Variants in ADGRL3 observed in about 807,000 individuals in gnomAD.
ADGRL3 encodes adhesion G protein-coupled receptor L3.
ADGRL3 carries 62 observed loss-of-function variants against 153.5 expected under a neutral mutation model. The ratio of observed to expected loss-of-function variants is 0.40; its 90% CI spans 0.33 to 0.50. The LOEUF (loss-of-function observed/expected upper bound fraction) is 0.50. ADGRL3 is among the 20% of genes least tolerant of loss of function. The pLI is 0.47. For synonymous variants in ADGRL3, 710 were observed against 672.5 expected, an observed-to-expected ratio of 1.06 and a Z score of -0.86; for missense variants, 1,641 against 1,859.4, an observed-to-expected ratio of 0.88 and a Z score of 2.16.
chr4:61,799,016 T>TATAC (rs1385147174), intron 8 of ADGRL3, among the ~76,000 whole-genome samples: 1 of 112,498 alleles, frequency 8.9e-6, no homozygotes, highest in Non-Finnish European at 2.0e-5. Context: ...TATATATATA[T>TATAC]ATATATATAT....
intron 24 of ADGRL3, 143 bp from the exon 25 acceptor site, chr4:62,044,310 T>C: frequency 1.6e-6 from 1 of 624,676 alleles, no homozygotes; most frequent in Non-Finnish European, 2.9e-6. Context: ...CTCATGCTAC[T>C]GTACTGCAAA....
chr4:61,868,692 A>G (rs989277117), intron 9 of ADGRL3, among the ~76,000 whole-genome samples: 3 of 152,180 alleles, frequency 2.0e-5, no homozygotes, highest in Non-Finnish European at 2.9e-5. Context: ...ACTCCATTCT[A>G]TGTTCACAAA....
At chr4:62,052,875 A>T (rs922519382) in intron 25 of ADGRL3, among the ~76,000 whole-genome samples, 1 of 151,334 alleles carries the variant, frequency 6.6e-6, no homozygotes, top group Non-Finnish European at 1.5e-5. Context: ...TGCCTGGAAT[A>T]AGTAGAATAT....
chr4:61,326,941 G>A (rs1393227674), intron 1 of ADGRL3, among the ~76,000 whole-genome samples: 2 of 151,870 alleles, frequency 1.3e-5, no homozygotes, highest in Non-Finnish European at 2.9e-5. Flanking sequence ...TATTTAGACA[G>A]TTTAAAAAAT....
chr4:61,726,946 T>C (rs961582827), intron 6 of ADGRL3, among the ~76,000 whole-genome samples: 1 of 152,142 alleles, frequency 6.6e-6, no homozygotes, highest in Non-Finnish European at 1.5e-5. Context: ...TACAAGTTCA[T>C]AGTTCTTAGT....
chr4:61,228,705 A>C (rs1280887318), intron 1 of ADGRL3, among the ~76,000 whole-genome samples: 1 of 152,168 alleles, frequency 6.6e-6, no homozygotes, highest in African/African-American at 2.4e-5. Flanking sequence ...ACTGCAGCAT[A>C]AATTAAATCC....
chr4:61,492,494 T>C (rs2098269213), intron 2 of ADGRL3, among the ~76,000 whole-genome samples: 1 of 152,054 alleles, frequency 6.6e-6, no homozygotes, highest in Non-Finnish European at 1.5e-5. Context: ...AATGTTAACC[T>C]CTGTTTGGTG....
At chr4:61,748,559 A>G (rs1315465590) in intron 8 of ADGRL3, among the ~76,000 whole-genome samples, 2 of 152,190 alleles carry the variant, frequency 1.3e-5, no homozygotes, top group Non-Finnish European at 2.9e-5. Flanking sequence ...AACGCTGCAT[A>G]TCTACAACTA....
At chr4:61,308,497 T>G (rs181954765) in intron 1 of ADGRL3, among the ~76,000 whole-genome samples, 1 of 152,148 alleles carries the variant, frequency 6.6e-6, no homozygotes. Flanking sequence ...AAGACTTCCT[T>G]AGGGCACACT....
chr4:61,439,805 A>G (rs2152460261), intron 2 of ADGRL3, among the ~76,000 whole-genome samples: 1 of 152,264 alleles, frequency 6.6e-6, no homozygotes, highest in African/African-American at 2.4e-5. Context: ...TTGGAAGTAT[A>G]GATTTTAGAA....
At chr4:61,692,901 A>T (rs1010852266) in intron 6 of ADGRL3, among the ~76,000 whole-genome samples, 1 of 152,174 alleles carries the variant, frequency 6.6e-6, no homozygotes, top group Non-Finnish European at 1.5e-5. Context: ...TTGACCAGTC[A>T]TGGAAAAATG....
chr4:61,247,364 T>C (rs1479355218), intron 1 of ADGRL3, among the ~76,000 whole-genome samples: 1 of 152,084 alleles, frequency 6.6e-6, no homozygotes, highest in Non-Finnish European at 1.5e-5. Flanking sequence ...TATGTGATAA[T>C]TCTTGTAATG....
chr4:61,303,558 A>C (rs2094657069), intron 1 of ADGRL3, among the ~76,000 whole-genome samples: 1 of 152,120 alleles, frequency 6.6e-6, no homozygotes, highest in Admixed American at 6.6e-5. Context: ...GGAAAATATC[A>C]TTATGTGACT....
intron 1 of ADGRL3, among the ~76,000 whole-genome samples, chr4:61,303,833 A>G (rs971975397): frequency 2.0e-5 from 3 of 152,180 alleles, no homozygotes; most frequent in Non-Finnish European, 4.4e-5. Context: ...AAGAATGCAC[A>G]CCAATTTTGA....
At chr4:61,295,504 A>T (rs951394931) in intron 1 of ADGRL3, among the ~76,000 whole-genome samples, 7 of 152,174 alleles carry the variant, frequency 4.6e-5, no homozygotes, top group African/African-American at 1.7e-4. Context: ...TAATTAATAA[A>T]ATAGAGATCT....
chr4:61,281,162 T>C (rs957732234), intron 1 of ADGRL3, among the ~76,000 whole-genome samples: 3 of 145,406 alleles, frequency 2.1e-5, no homozygotes, highest in African/African-American at 7.6e-5. Flanking sequence ...AATAAAACTA[T>C]TTTCAGTTTT....
At chr4:61,296,354 GA>G (rs2094412117) in intron 1 of ADGRL3, among the ~76,000 whole-genome samples, 1 of 152,156 alleles carries the variant, frequency 6.6e-6, no homozygotes, top group Non-Finnish European at 1.5e-5. Flanking sequence ...CAGGTTAACT[GA>G]AAGTCTGGGG....
chr4:61,856,954 T>C (rs532245838), intron 9 of ADGRL3, among the ~76,000 whole-genome samples: 55 of 40,348 alleles, frequency 1.4e-3, no homozygotes, highest in African/African-American at 5.4e-3. Context: ...CTTCTTCTCT[T>C]TCTTTCTTTC....
At chr4:61,674,279 CT>C (rs1238886288) in intron 5 of ADGRL3, among the ~76,000 whole-genome samples, 1 of 151,592 alleles carries the variant, frequency 6.6e-6, no homozygotes, top group Non-Finnish European at 1.5e-5. Context: ...ACACAACTTT[CT>C]GTGCAACATA....
Sources: allele counts gnomAD v4.1 joint callset (sites outside exome capture counted in the v4.1 genomes callset), GRCh38; gene constraint gnomAD v4.1.1; transcripts MANE v1.5; gene names NCBI Gene and HGNC (gene_info 2026-07-23, HGNC 2026-07-21).